DOCK1: variants seen among roughly 807,000 people sequenced by gnomAD.
DOCK1 encodes dedicator of cytokinesis 1, also known as dedicator of cytokinesis protein 1.
In DOCK1, 138 loss-of-function variants were observed where a neutral mutation model predicts 262.7. That is an observed-to-expected ratio of 0.53 (90% CI 0.46 to 0.61). The LOEUF is 0.61. Among genes scored for constraint, DOCK1 ranks in the 20% least tolerant of loss-of-function variants. DOCK1 has a pLI of 0.00. For missense variants in DOCK1, 1,908 were observed against 2,370.7 expected, an observed-to-expected ratio of 0.80 and a Z score of 4.05; for synonymous variants, 866 against 867.4, an observed-to-expected ratio of 1.00 and a Z score of 0.03.
chr10:127,397,573 G>A (rs1328882780), intron 38 of DOCK1, among the ~76,000 whole-genome samples: 1 of 96,282 alleles, frequency 1.0e-5, no homozygotes, highest in South Asian at 3.4e-4. Flanking sequence ...TGGGCAGTGT[G>A]TCCTTTGTGA....
rs1030658872 is a variant in DOCK1 at position 127,415,032 on chromosome 10, C to T, written c.4429-120C>T. On this transcript the variant is annotated intron_variant, in intron 43 of 51. Coordinates refer to ENST00000623213, the MANE Select transcript of DOCK1 (RefSeq NM_001290223.2). ...CATGCCCTGTGCTGAGCACCACAGACCCTGTCCTGCTGAAGGACCTGACTC... is the reference window on the plus strand; with the variant it reads ...CATGCCCTGTGCTGAGCACCACAGATCCTGTCCTGCTGAAGGACCTGACTC... 3.4e-6 allele frequency: 3 copies of T among 873,560 alleles called. No individual in the cohort carries two copies. The African/African-American group carries it at 5.0e-5, about 15-fold the overall frequency. The allele number at this position is 873,560 out of a possible 1,614,324, so 54.1% of individuals were successfully genotyped here.
intron 23 of DOCK1, among the ~76,000 whole-genome samples, chr10:127,087,853 CCTTT>C (rs2047287874): frequency 6.6e-6 from 1 of 152,158 alleles, no homozygotes; most frequent in Admixed American, 6.5e-5. Context: ...CCCTGGACTT[CCTTT>C]GTCATAGCTT....
chr10:126,921,472 G>A (rs575204672), intron 1 of DOCK1, among the ~76,000 whole-genome samples: 1 of 152,276 alleles, frequency 6.6e-6, no homozygotes, highest in African/African-American at 2.4e-5. Context: ...AATAGGAAAT[G>A]TGATTCTGTT....
At chr10:127,280,129 G>T (rs7072343) in intron 29 of DOCK1, among the ~76,000 whole-genome samples, 1,557 of 149,828 alleles carry the variant, frequency 0.01, 38 homozygotes, top group African/African-American at 0.036. Flanking sequence ...CCGCCTCCCG[G>T]GTTCACGCCA....
intron 23 of DOCK1, among the ~76,000 whole-genome samples, chr10:127,072,633 A>C (rs543095122): frequency 6.6e-6 from 1 of 152,278 alleles, no homozygotes; most frequent in Non-Finnish European, 1.5e-5. Flanking sequence ...AGACTCTCGT[A>C]TGGTTTGGAG....
Position 127,451,448 on chromosome 10 carries a change from A to G in DOCK1, c.*21A>G. On this transcript the variant is annotated 3_prime_UTR_variant, in exon 52 of 52. Coordinates refer to ENST00000623213, the MANE Select transcript of DOCK1 (RefSeq NM_001290223.2). ...AGTGACGTCGCAAGCCTCTCTGGAA[A>G]GAGTGTGCTGCCCCTCCCCATCTCC... 6.4e-7 allele frequency: 1 copy of G among 1,558,658 alleles called. No individual in the cohort carries two copies. Among genetic ancestry groups the G allele is most frequent in the Non-Finnish European group, 8.7e-7 (1 of 1,151,350 alleles).
intron 29 of DOCK1, among the ~76,000 whole-genome samples, chr10:127,286,719 A>C (rs891474551): frequency 5.3e-5 from 8 of 152,070 alleles, no homozygotes; most frequent in Non-Finnish European, 1.0e-4. Context: ...TAACACCTCT[A>C]TATTATTACT....
At chr10:127,234,170 G>A (rs1006656377) in intron 27 of DOCK1, among the ~76,000 whole-genome samples, 12 of 152,256 alleles carry the variant, frequency 7.9e-5, no homozygotes, top group Admixed American at 2.6e-4. Context: ...TGACATTACC[G>A]TGATAGTGCG....
In DOCK1 at chr10:127,174,832, CCTCTT is replaced by C. The variant is rs2054928132; in HGVS notation, c.2847+47075_2847+47079del. On this transcript the variant is annotated intron_variant, in intron 27 of 51. Transcript: ENST00000623213. The stretch of plus-strand genomic sequence containing the variant: ...AATACGATTCCTAAGAGGCCTGTGG[CCTCTT>C]CTCTTCCTGATTCTCTTCTTATTTA... Among the ~76,000 whole-genome samples the C allele has an allele frequency of 2.0e-5, 3 of 152,324 alleles. No homozygotes were observed. In the South Asian group the frequency reaches 6.2e-4, roughly 32 times the overall value.
intron 32 of DOCK1, among the ~76,000 whole-genome samples, chr10:127,359,937 T>C (rs2064331067): frequency 6.6e-6 from 1 of 152,328 alleles, no homozygotes; most frequent in South Asian, 2.1e-4. Context: ...ACATATTTTA[T>C]TCAAACATTT....
intron 1 of DOCK1, among the ~76,000 whole-genome samples, chr10:126,906,726 C>T (rs1457345668): frequency 6.6e-6 from 1 of 152,210 alleles, no homozygotes; most frequent in African/African-American, 2.4e-5. Flanking sequence ...GGCTCTCTGA[C>T]TTTTGGGAAG....
chr10:127,078,144 GT>G (rs747027041), intron 23 of DOCK1, among the ~76,000 whole-genome samples: 2 of 152,186 alleles, frequency 1.3e-5, no homozygotes, highest in Non-Finnish European at 2.9e-5. Context: ...TTTTATTTAT[GT>G]TTTAAATAAA....
chr10:127,191,406 A>G (rs1167522), intron 27 of DOCK1, among the ~76,000 whole-genome samples: 123,751 of 152,010 alleles, frequency 0.81, 50,911 homozygotes, highest in South Asian at 0.93. Flanking sequence ...AGCCATCTGC[A>G]TATCCATCTA....
chr10:127,284,173 G>C (rs2061064632), intron 29 of DOCK1, among the ~76,000 whole-genome samples: 1 of 151,988 alleles, frequency 6.6e-6, no homozygotes, highest in African/African-American at 2.4e-5. Context: ...GTTTTTTCTT[G>C]AGAACTGTCT....
chr10:127,206,836 T>C (rs2057746434), intron 27 of DOCK1, among the ~76,000 whole-genome samples: 1 of 152,194 alleles, frequency 6.6e-6, no homozygotes, highest in Non-Finnish European at 1.5e-5. Context: ...CCTGCTCCAT[T>C]TTTCAAAGCT....
At chr10:127,208,853 A>G (rs2057842150) in intron 27 of DOCK1, among the ~76,000 whole-genome samples, 1 of 152,206 alleles carries the variant, frequency 6.6e-6, no homozygotes, top group African/African-American at 2.4e-5. Flanking sequence ...TAAAGTTCTA[A>G]TTTAATTTCC....
At chr10:127,380,054 A>G in intron 35 of DOCK1, 28 bp from the exon 36 acceptor site, 2 of 1,439,038 alleles carry the variant, frequency 1.4e-6, no homozygotes, top group South Asian at 1.2e-5. Flanking sequence ...CAGATTTCTT[A>G]AAACAGTATT....
chr10:126,986,794 C>T (rs192836237), intron 4 of DOCK1, among the ~76,000 whole-genome samples: 1 of 152,244 alleles, frequency 6.6e-6, no homozygotes, highest in Non-Finnish European at 1.5e-5. Context: ...CCTGTAGTCC[C>T]AGCTGCTTGG....
At chr10:127,211,804 G>A (rs1021925878) in intron 27 of DOCK1, among the ~76,000 whole-genome samples, 2 of 152,170 alleles carry the variant, frequency 1.3e-5, no homozygotes, top group African/African-American at 4.8e-5. Flanking sequence ...CTCATGGGAT[G>A]TGCGCTGAGA....
Sources: gnomAD v4.1 joint callset for allele counts (sites outside exome capture counted in the v4.1 genomes callset) on GRCh38, gnomAD v4.1.1 for gene constraint, MANE v1.5 for transcripts, NCBI Gene and HGNC (gene_info 2026-07-23, HGNC 2026-07-21) for gene names.